Variants in ATP6V0A1 observed in about 807,000 individuals in gnomAD.
The protein encoded by ATP6V0A1 is V-type proton ATPase 116 kDa subunit a 1.
ATP6V0A1 carries 43 observed loss-of-function variants against 105.4 expected under a neutral mutation model. The ratio of observed to expected loss-of-function variants is 0.41; its 90% CI spans 0.32 to 0.53. The LOEUF (loss-of-function observed/expected upper bound fraction) is 0.53, where lower values mean the gene tolerates loss of function less well. Among genes scored for constraint, ATP6V0A1 ranks in the 20% least tolerant of loss-of-function variants. The probability of loss-of-function intolerance (pLI) is 0.30; values close to 1 mark genes in which losing one functional copy is unlikely to be tolerated. For missense variants in ATP6V0A1, 676 were observed against 1,051.1 expected, an observed-to-expected ratio of 0.64 and a Z score of 4.93; for synonymous variants, 362 against 372.8, an observed-to-expected ratio of 0.97 and a Z score of 0.33.
At chr17:42,510,762 GTGTTGTAGGGTA>G (rs1166935681) in intron 19 of ATP6V0A1, 1 of 152,224 alleles carries the variant, frequency 6.6e-6, no homozygotes, top group Non-Finnish European at 1.5e-5. Context: ...CCCAGTGGCT[GTGTTGTAGGGTA>G]TATTGGGTTG....
At chr17:42,480,612 G>A in intron 7 of ATP6V0A1, 55 bp from the exon 8 acceptor site, 1 of 1,552,210 alleles carries the variant, frequency 6.4e-7, no homozygotes, top group Non-Finnish European at 8.7e-7. Flanking sequence ...TTATTTAAGA[G>A]ATTTTCATCC....
chr17:42,483,934 T>A (rs1598845113), intron 9 of ATP6V0A1, among the ~76,000 whole-genome samples: 1 of 152,124 alleles, frequency 6.6e-6, no homozygotes, highest in Non-Finnish European at 1.5e-5. Context: ...GCCAGGCTGG[T>A]CTTGAACTCC....
rs1412144597 is a variant in ATP6V0A1, at chr17:42,494,617, GAC to G, written c.1314+146_1314+147del. The G allele has an allele frequency of 2.8e-5, 29 of 1,023,042 alleles. No individual in the cohort carries two copies. In the Admixed American group the frequency reaches 8.5e-4, roughly 30 times the overall value. The allele number at this position is 1,023,042 out of a possible 1,614,324, so 63.4% of individuals were successfully genotyped here. A position where few individuals can be genotyped will look rare whatever the true frequency, so the allele number is the denominator to read the frequency against. Reference sequence around the variant, plus strand: ...TTATGTTCATTTTAACACCAAAGACGACATGTGCAAGCTGGAAGTGGTAGTGT... The same window carrying G: ...TTATGTTCATTTTAACACCAAAGACGATGTGCAAGCTGGAAGTGGTAGTGT... On this transcript the variant is annotated intron_variant, in intron 12 of 21. Transcript: ENST00000343619.
rs58501978 is a variant in ATP6V0A1 at position 42,469,323 on chromosome 17, C to CTTT, written c.295-745_295-743dup. On this transcript the variant is annotated intron_variant, in intron 4 of 21. Coordinates refer to ENST00000343619, the MANE Select transcript of ATP6V0A1 (RefSeq NM_001130021.3). ...TCTACAATGACTTAGAAAGGAAAGA[C>CTTT]TTTTTTTTTTTTTTTTTTTTTTTTC... 4.4e-4 allele frequency among the ~76,000 whole-genome samples: 45 copies of CTTT among 102,314 alleles called. 1 individual carries two copies. The highest frequency in any genetic ancestry group is 1.2e-3 in the African/African-American group (32 of 25,974). The allele number at this position is 102,314 out of a possible 152,430, so 67.1% of individuals were successfully genotyped here.
intron 4 of ATP6V0A1, 71 bp from the exon 5 acceptor site, chr17:42,470,019 A>G (rs1598725689): frequency 7.1e-7 from 1 of 1,398,724 alleles, no homozygotes; most frequent in Non-Finnish European, 9.7e-7. Context: ...GTTCTGTGGG[A>G]TGAATTCATT....
chr17:42,498,095 A>G (rs1464405925), intron 14 of ATP6V0A1, among the ~76,000 whole-genome samples: 1 of 152,048 alleles, frequency 6.6e-6, no homozygotes, highest in Non-Finnish European at 1.5e-5. Flanking sequence ...TACTAAAAAT[A>G]CAAAATTAGC....
intron 3 of ATP6V0A1, among the ~76,000 whole-genome samples, chr17:42,467,555 G>T (rs866523585): frequency 6.6e-6 from 1 of 152,142 alleles, no homozygotes; most frequent in South Asian, 2.1e-4. Flanking sequence ...TGACCTGATT[G>T]TTTTCAAATT....
At chr17:42,499,586 A>C (rs2146111906) in intron 15 of ATP6V0A1, among the ~76,000 whole-genome samples, 1 of 152,250 alleles carries the variant, frequency 6.6e-6, no homozygotes, top group East Asian at 1.9e-4. Flanking sequence ...CAGGAGTTCA[A>C]GACCAGCCTG....
In ATP6V0A1 at chr17:42,490,622, C is replaced by T; in HGVS notation, c.1159C>T (p.Arg387Ter). The T allele has an allele frequency of 6.3e-7, 1 of 1,593,282 alleles. No homozygotes were observed. The highest frequency in any genetic ancestry group is 8.5e-7 in the Non-Finnish European group (1 of 1,174,202). ...AGATGCTTATGGAATTGGAACTTAC[C>T]GAGAGATAAATCCAGGTAAAAAAAA... is the stretch of plus-strand genomic sequence containing the variant. ...IVDAYGIGTY[R>*]EINPAPYTII... The change falls in exon 11 of 22, where the codon CGA (arginine) becomes TGA (stop). Residue 387 changes from arginine to a stop codon, truncating the protein, a stop_gained. Transcript: ENST00000343619. LOFTEE classifies it high-confidence loss of function.
chr17:42,499,144 C>G, intron 15 of ATP6V0A1, 102 bp downstream of exon 15: 1 of 870,356 alleles, frequency 1.1e-6, no homozygotes, highest in East Asian at 2.5e-5. Flanking sequence ...AACTCAGAAC[C>G]TCATTCTACA....
At chr17:42,495,841 A>T (rs2091108558) in intron 14 of ATP6V0A1, 125 bp downstream of exon 14, 2 of 818,836 alleles carry the variant, frequency 2.4e-6, no homozygotes. Flanking sequence ...CATGCCTGTA[A>T]TCCCAGCACT....
At position 42,478,479 on chromosome 17, in the gene ATP6V0A1, A is replaced by G. The variant is rs953351023; in HGVS notation, c.523A>G (p.Ile175Val). The G allele has an allele frequency of 3.1e-6, 5 of 1,607,114 alleles. No homozygotes were observed. Among genetic ancestry groups the G allele is most frequent in the Non-Finnish European group, 4.3e-6 (5 of 1,175,866 alleles). The change falls in exon 7 of 22, where the codon ATT (isoleucine) becomes GTT (valine). Residue 175 changes from isoleucine to valine, a missense_variant. This residue lies in a region of ATP6V0A1 where 239 missense variants were observed against 388.4 expected (regional missense o/e 0.62). Coordinates refer to ENST00000343619, the MANE Select transcript of ATP6V0A1 (RefSeq NM_001130021.3). ...TCCCCACAGCTTCGTGGCTGGTGTC[A>G]TTAACCGGGAGCGCATCCCTACTTT... is the stretch of plus-strand genomic sequence containing the variant. ...PLRLGFVAGV[I>V]NRERIPTFER...
chr17:42,494,798 A>G (rs530359881), intron 12 of ATP6V0A1: 79 of 494,616 alleles, frequency 1.6e-4, no homozygotes, highest in African/African-American at 1.4e-3. Flanking sequence ...TTTGGCTGCC[A>G]AAAGAAATGG....
At chr17:42,464,551 C>T (rs918701216) in intron 2 of ATP6V0A1, among the ~76,000 whole-genome samples, 7 of 151,764 alleles carry the variant, frequency 4.6e-5, no homozygotes, top group African/African-American at 7.3e-5. Flanking sequence ...TACAGGTGCC[C>T]GCTGCCACTC....
At chr17:42,470,282 T>A in intron 5 of ATP6V0A1, 64 bp downstream of exon 5, 2 of 1,559,760 alleles carry the variant, frequency 1.3e-6, no homozygotes, top group Non-Finnish European at 1.8e-6. Flanking sequence ...GTGGGCCATA[T>A]TTTTATTCCA....
chr17:42,502,312 G>T (rs1032133321), intron 17 of ATP6V0A1, among the ~76,000 whole-genome samples: 1 of 152,216 alleles, frequency 6.6e-6, no homozygotes, highest in South Asian at 2.1e-4. Flanking sequence ...CATGCGGTTT[G>T]CCTGGGCAAC....
intron 2 of ATP6V0A1, among the ~76,000 whole-genome samples, chr17:42,461,933 G>A (rs765606314): frequency 1.6e-4 from 24 of 151,406 alleles, no homozygotes; most frequent in Admixed American, 6.6e-4. Context: ...GGGGCCAGGT[G>A]CAATGGCTCA....
At chr17:42,469,917 C>G (rs916053925) in intron 4 of ATP6V0A1, among the ~76,000 whole-genome samples, 173 bp from the exon 5 acceptor site, 1 of 152,028 alleles carries the variant, frequency 6.6e-6, no homozygotes, top group Non-Finnish European at 1.5e-5. Flanking sequence ...TTATTTTAAG[C>G]AAAAAAATTT....
intron 2 of ATP6V0A1, among the ~76,000 whole-genome samples, chr17:42,464,521 G>A (rs1343998569): frequency 6.6e-6 from 1 of 151,862 alleles, no homozygotes; most frequent in Non-Finnish European, 1.5e-5. Context: ...TTCTGCCTCA[G>A]CCTTCCAAGT....
Sources: allele counts gnomAD v4.1 joint callset (sites outside exome capture counted in the v4.1 genomes callset), GRCh38; gene constraint gnomAD v4.1.1; regional missense constraint gnomAD v4.1.1; transcripts MANE v1.5; gene names NCBI Gene and HGNC (gene_info 2026-07-23, HGNC 2026-07-21).